The following SERPINE3 variants were observed in gnomAD, a reference collection of about 807,000 sequenced individuals.
The protein encoded by SERPINE3 is serpin family E member 3.
SERPINE3 carries 43 observed loss-of-function variants against 41.7 expected under a neutral mutation model. The ratio of observed to expected loss-of-function variants is 1.03; its 90% CI spans 0.81 to 1.33. The LOEUF (loss-of-function observed/expected upper bound fraction) is 1.33. Among genes scored for constraint, SERPINE3 ranks in the 40% most tolerant of loss-of-function variants. The pLI is 0.00. For missense variants in SERPINE3, 440 were observed against 491.7 expected (o/e 0.89, Z 0.99); for synonymous variants, 200 against 192.2 (o/e 1.04, Z -0.34).
chr13:51,353,260 T>G (rs1301950931), intron 6 of SERPINE3, among the ~76,000 whole-genome samples: 1 of 152,204 alleles, frequency 6.6e-6, no homozygotes, highest in Non-Finnish European at 1.5e-5. Flanking sequence ...TCATATTTAG[T>G]TTCAAATAGC....
intron 3 of SERPINE3, 62 bp from the exon 4 acceptor site, chr13:51,344,190 G>A: frequency 4.2e-6 from 5 of 1,199,678 alleles, no homozygotes; most frequent in Non-Finnish European, 4.9e-6. Flanking sequence ...GTGTGCTGGA[G>A]GTTGTGCTAA....
intron 4 of SERPINE3, among the ~76,000 whole-genome samples, chr13:51,345,544 G>A (rs947150532): frequency 7.3e-6 from 1 of 137,168 alleles, no homozygotes; most frequent in South Asian, 2.5e-4. Flanking sequence ...GCAGTGAGCT[G>A]AGACTGCGTC....
intron 8 of SERPINE3, 83 bp downstream of exon 8, chr13:51,361,447 A>C (rs1249645608): frequency 3.5e-6 from 3 of 867,862 alleles, no homozygotes; most frequent in African/African-American, 3.4e-5. Flanking sequence ...CACACTTCTG[A>C]ATCTTTCCAT....
chr13:51,362,248 T>C (rs1261216166), intron 9 of SERPINE3: 1 of 414,130 alleles, frequency 2.4e-6, no homozygotes, highest in Non-Finnish European at 4.1e-6. Context: ...CTAGCTTTCT[T>C]ATCATTTTAG....
rs1288619379 is a variant in SERPINE3 at position 51,347,143 on chromosome 13, C to T, written c.609C>T (p.Ser203=). ...AAGGCACTTGGCGAAAGAGATTCTC[C>T]TCCACAGACACACAGATCCTGCCTT... ...SFQGTWRKRF[S]STDTQILPFT... is the part of the protein sequence containing the mutation. Residue 203 remains serine, a synonymous_variant, in exon 5 of 10, where the codon TCC becomes TCT. Transcript: ENST00000681248. 15 of 1,613,906 alleles carry T rather than the reference C, an allele frequency of 9.3e-6. No individual in the cohort carries two copies. The highest frequency in any genetic ancestry group is 1.3e-5 in the Non-Finnish European group (15 of 1,179,846).
Position 51,348,380 on chromosome 13 carries a change from A to G in SERPINE3, c.868A>G (p.Arg290Gly). The G allele has an allele frequency of 6.2e-7, 1 of 1,613,858 alleles. No individual in the cohort carries two copies. Among genetic ancestry groups the G allele is most frequent in the Non-Finnish European group, 8.5e-7 (1 of 1,179,856 alleles). Residue 290 changes from arginine to glycine, a missense_variant, in exon 6 of 10, where the codon AGG becomes GGG. Arg to Gly is a moderately radical substitution (Grantham distance 125, BLOSUM62 -2). Transcript: ENST00000681248. ...CATCCACCTCTGGACCACCAGCCTG[A>G]GGAGAGCCAGGATGGATGTGTTCCT... ...STIHLWTTSLRRARMDVFLPR... is the reference protein window; with the variant it reads ...STIHLWTTSLGRARMDVFLPR...
At position 51,344,378 on chromosome 13, in the gene SERPINE3, T is replaced by C. The variant is rs765561039; in HGVS notation, c.383T>C (p.Val128Ala). The C allele has an allele frequency of 1.2e-6, 2 of 1,613,258 alleles. No homozygotes were observed. Among genetic ancestry groups the C allele is most frequent in the Non-Finnish European group, 1.7e-6 (2 of 1,179,650 alleles). The change falls in exon 4 of 10, where the codon GTG becomes GCG. Residue 128 changes from valine to alanine, a missense_variant. By Grantham distance (64) the Val-to-Ala change is moderately conservative (BLOSUM62 0). Transcript: ENST00000681248. ...GGAACGCCACTGTCCCCCTGCTTTGTGGAGCACGTCTCCTGGTGGGCTAAC... is the reference window on the plus strand; with the variant it reads ...GGAACGCCACTGTCCCCCTGCTTTGCGGAGCACGTCTCCTGGTGGGCTAAC... ...QVGTPLSPCFVEHVSWWANSS... is the reference protein window; with the variant it reads ...QVGTPLSPCFAEHVSWWANSS...
intron 8 of SERPINE3, 56 bp from the exon 9 acceptor site, chr13:51,361,750 ATAGT>A (rs1955581582): frequency 7.0e-7 from 1 of 1,422,158 alleles, no homozygotes; most frequent in Admixed American, 2.3e-5. Context: ...TTCATAACCA[ATAGT>A]TATTTTCTTA....
At chr13:51,349,224 A>G (rs575571912) in intron 6 of SERPINE3, among the ~76,000 whole-genome samples, 1 of 152,348 alleles carries the variant, frequency 6.6e-6, no homozygotes, top group East Asian at 1.9e-4. Flanking sequence ...TCCAGTAGGC[A>G]AAGGCAAAGT....
At chr13:51,362,104 C>G in intron 9 of SERPINE3, 1 of 1,478,334 alleles carries the variant, frequency 6.8e-7, no homozygotes, top group South Asian at 1.4e-5. Flanking sequence ...TTTTTACCTT[C>G]TCATTCTCTC....
intron 9 of SERPINE3, chr13:51,363,640 A>G (rs1955628074): frequency 6.6e-6 from 1 of 151,982 alleles, no homozygotes; most frequent in Non-Finnish European, 1.5e-5. Flanking sequence ...CCCTTTGACA[A>G]TAATTCTACA....
intron 3 of SERPINE3, among the ~76,000 whole-genome samples, chr13:51,342,729 C>T (rs987044857): frequency 2.0e-5 from 3 of 152,192 alleles, no homozygotes; most frequent in Non-Finnish European, 4.4e-5. Flanking sequence ...TCACACCACA[C>T]TATGGACAAG....
Position 51,342,844 on chromosome 13 carries a change from G to GT in SERPINE3, c.257-1403dup, listed in dbSNP as rs1955308033. On this transcript the variant is annotated intron_variant, in intron 3 of 9. Coordinates refer to ENST00000681248, the MANE Select transcript of SERPINE3 (RefSeq NM_001386375.1). ...TAGAGTAAAATCTGATTATAAGTAT[G>GT]TTTTTATCCATTTTTTTCTTACTAC... Among the ~76,000 whole-genome samples the GT allele has an allele frequency of 4.6e-5, 7 of 152,254 alleles. No individual in the cohort carries two copies. In the South Asian group the frequency reaches 1.5e-3, roughly 32 times the overall value.
intron 7 of SERPINE3, 46 bp downstream of exon 7, chr13:51,355,189 C>A: frequency 1.2e-6 from 1 of 818,538 alleles, no homozygotes; most frequent in Non-Finnish European, 2.0e-6. Context: ...GTATTTGGGG[C>A]AGTTTTATCA....
intron 6 of SERPINE3, 187 bp downstream of exon 6, chr13:51,348,598 TG>T: frequency 1.8e-6 from 1 of 544,442 alleles, no homozygotes; most frequent in Middle Eastern, 2.7e-4. Context: ...GAGCCACTGC[TG>T]GCTAGCTCAC....
chr13:51,357,917 G>A (rs1955505154), intron 7 of SERPINE3, among the ~76,000 whole-genome samples: 3 of 152,116 alleles, frequency 2.0e-5, no homozygotes, highest in Non-Finnish European at 4.4e-5. Context: ...TGCTCGGTAA[G>A]AAGTACAAGT....
intron 7 of SERPINE3, among the ~76,000 whole-genome samples, chr13:51,358,493 T>C (rs1955514936): frequency 1.3e-5 from 2 of 152,146 alleles, no homozygotes; most frequent in South Asian, 4.1e-4. Context: ...AGATGACCCA[T>C]TCTATGCCAC....
chr13:51,352,056 C>T (rs1397086585), intron 6 of SERPINE3, among the ~76,000 whole-genome samples: 1 of 152,056 alleles, frequency 6.6e-6, no homozygotes, highest in East Asian at 1.9e-4. Context: ...AGTCCTTCAA[C>T]TTTCTTCTTT....
At chr13:51,347,269 G>A (rs933290512) in intron 5 of SERPINE3, 35 bp downstream of exon 5, 3 of 1,588,508 alleles carry the variant, frequency 1.9e-6, no homozygotes, top group Non-Finnish European at 2.6e-6. Flanking sequence ...TCTAAAGGGA[G>A]AGGAAGCCTG....
Sources: allele counts gnomAD v4.1 joint callset (sites outside exome capture counted in the v4.1 genomes callset), GRCh38; gene constraint gnomAD v4.1.1; transcripts MANE v1.5; gene names NCBI Gene and HGNC (gene_info 2026-07-23, HGNC 2026-07-21).